Variants in CLDN12 observed in about 807,000 individuals in gnomAD.
The protein encoded by CLDN12 is claudin 12.
Under a neutral mutation model 15.5 loss-of-function variants are expected in CLDN12, and 9 were observed. The observed-to-expected ratio is 0.58, with a 90% CI of 0.35 to 1.02. The LOEUF (loss-of-function observed/expected upper bound fraction) is 1.02, where lower values mean the gene tolerates loss of function less well. Ranked by LOEUF, CLDN12 falls within the 50% of genes least tolerant of loss-of-function variation. The pLI is 0.02. For missense variants in CLDN12, 233 were observed against 297.3 expected, an observed-to-expected ratio of 0.78 and a Z score of 1.59; for synonymous variants, 140 against 121.6, an observed-to-expected ratio of 1.15 and a Z score of -1.00.
rs140108357 is a variant in CLDN12 at position 90,412,808 on chromosome 7, C to T, written c.132C>T (p.Asn44=). 3.0e-5 allele frequency: 48 copies of T among 1,614,160 alleles called. No homozygotes were observed. The highest frequency in any genetic ancestry group is 2.5e-4 in the Admixed American group (15 of 60,024). ...TACGATTGATCACATTCAACAGAAACGAGAAGAACCTGACTGTTTACACAG... is the reference window on the plus strand; with the variant it reads ...TACGATTGATCACATTCAACAGAAATGAGAAGAACCTGACTGTTTACACAG... The part of the protein sequence containing the change: ...RKLRLITFNR[N]EKNLTVYTGL... The change falls in exon 4 of 4, where the codon AAC becomes AAT. Residue 44 remains asparagine, a synonymous_variant. Coordinates refer to ENST00000496677, the MANE Select transcript of CLDN12 (RefSeq NM_001185072.3).
chr7:90,409,241 G>A (rs2115880280), intron 2 of CLDN12: 1 of 152,160 alleles, frequency 6.6e-6, no homozygotes, highest in African/African-American at 2.4e-5. Flanking sequence ...TTTGTTTTGA[G>A]ACAGAGTCTC....
Position 90,415,941 on chromosome 7 carries a change from A to G in CLDN12, c.*2530A>G, listed in dbSNP as rs776979988. On this transcript the variant is annotated 3_prime_UTR_variant, in exon 4 of 4. Transcript: ENST00000496677. ...TGTACTTCTTAATGTTTATTAAAAG[A>G]TGTATTTTTACAAGTTTCTGCTTCT... The G allele has an allele frequency of 3.6e-5, 6 of 166,318 alleles. No individual in the cohort carries two copies. The highest frequency in any genetic ancestry group is 5.9e-5 in the Non-Finnish European group (4 of 68,124). The allele number at this position is 166,318 out of a possible 1,614,324, so 10.3% of individuals were successfully genotyped here. A position where few individuals can be genotyped will look rare whatever the true frequency, so the allele number is the denominator to read the frequency against.
intron 1 of CLDN12, among the ~76,000 whole-genome samples, chr7:90,404,190 A>G (rs935598425): frequency 1.4e-5 from 2 of 140,502 alleles, no homozygotes; most frequent in Admixed American, 7.6e-5. Flanking sequence ...CAAGGATTCT[A>G]TTGTGCGTTA....
Position 90,414,375 on chromosome 7 carries a change from A to G in CLDN12, c.*964A>G, listed in dbSNP as rs1247314127. On this transcript the variant is annotated 3_prime_UTR_variant, in exon 4 of 4. Coordinates refer to ENST00000496677, the MANE Select transcript of CLDN12 (RefSeq NM_001185072.3). ...GCTTTACCATAACCTTGATTCATTC[A>G]CCCTTGATTCATTTCTCGCCCCCGT... 1 of 1,000,090 alleles carries G rather than the reference A, an allele frequency of 1.0e-6. No individual in the cohort carries two copies. The highest frequency in any genetic ancestry group is 1.2e-6 in the Non-Finnish European group (1 of 830,000). 62.0% of individuals were successfully genotyped at this position (1,000,090 alleles called of 1,614,324 possible).
intron 2 of CLDN12, among the ~76,000 whole-genome samples, chr7:90,409,752 A>G (rs1796919519): frequency 6.6e-6 from 1 of 152,196 alleles, no homozygotes; most frequent in Admixed American, 6.5e-5. Context: ...TAATCACTTG[A>G]TACGTAGTAA....
chr7:90,414,221 A>G lies in CLDN12; in HGVS notation c.*810A>G. ...CTCTTAGTGGCTAGGAGAAATAAAT[A>G]AAAGGGCCATAATGGTTTGTTCTCT... On this transcript the variant is annotated 3_prime_UTR_variant, in exon 4 of 4. Transcript: ENST00000496677. 1.0e-6 allele frequency: 1 copy of G among 1,000,256 alleles called. No individual in the cohort carries two copies. The highest frequency in any genetic ancestry group is 1.2e-6 in the Non-Finnish European group (1 of 829,994). The allele number at this position is 1,000,256 out of a possible 1,614,324, so 62.0% of individuals were successfully genotyped here.
intron 1 of CLDN12, among the ~76,000 whole-genome samples, chr7:90,404,109 C>T (rs1796788045): frequency 6.6e-6 from 1 of 151,976 alleles, no homozygotes; most frequent in Admixed American, 6.6e-5. Flanking sequence ...TCTGTGCACC[C>T]GGCCTTGTAA....
rs780008661 is a variant in CLDN12 at position 90,412,969 on chromosome 7, T to C, written c.293T>C (p.Met98Thr). The C allele has an allele frequency of 1.9e-6, 3 of 1,614,182 alleles. No individual in the cohort carries two copies. The East Asian group carries it at 6.7e-5, about 36-fold the overall frequency. Residue 98 changes from methionine to threonine, a missense_variant, in exon 4 of 4, where the codon ATG (methionine) becomes ACG (threonine). Physicochemically the swap from Met to Thr is moderately conservative, Grantham distance 81. Coordinates refer to ENST00000496677, the MANE Select transcript of CLDN12 (RefSeq NM_001185072.3). ...FALPLSMLIA[M>T]GALLLCLIGM... ...CTACCCCTCAGCATGCTGATCGCCA[T>C]GGGTGCCCTGCTGCTCTGCCTGATT...
chr7:90,406,926 T>C (rs756255519), intron 2 of CLDN12, among the ~76,000 whole-genome samples: 15 of 152,140 alleles, frequency 9.9e-5, no homozygotes, highest in Admixed American at 2.6e-4. Context: ...TGTTTTTTTT[T>C]CTCCATTAAA....
chr7:90,412,914 C>T lies in CLDN12; in HGVS notation c.238C>T (p.Gln80Ter). The T allele has an allele frequency of 6.2e-7, 1 of 1,614,212 alleles. No individual in the cohort carries two copies. The highest frequency in any genetic ancestry group is 8.5e-7 in the Non-Finnish European group (1 of 1,180,048). The change falls in exon 4 of 4, where the codon CAG becomes TAG. Residue 80 changes from glutamine to a stop codon, truncating the protein, a stop_gained. Coordinates refer to ENST00000496677, the MANE Select transcript of CLDN12 (RefSeq NM_001185072.3). LOFTEE classifies it high-confidence loss of function. ...CACTACTTGGTACTCATCAGTTGAC[C>T]AGCTGGACCTGCGTGTCCTCCAGTT... is the stretch of plus-strand genomic sequence containing the variant. ...YDTTWYSSVD[Q>*]LDLRVLQFAL...
chr7:90,406,308 A>G (rs914803005), intron 2 of CLDN12, among the ~76,000 whole-genome samples: 2 of 152,162 alleles, frequency 1.3e-5, no homozygotes, highest in African/African-American at 4.8e-5. Context: ...TTTTATTCGT[A>G]ATTATGTCTC....
intron 2 of CLDN12, among the ~76,000 whole-genome samples, chr7:90,407,313 TA>T (rs1465995552): frequency 1.3e-5 from 2 of 152,214 alleles, no homozygotes; most frequent in Non-Finnish European, 2.9e-5. Flanking sequence ...TTGTCTTTGC[TA>T]ATCACAGGTT....
chr7:90,403,830 G>C (rs1025231966), intron 1 of CLDN12: 2 of 152,152 alleles, frequency 1.3e-5, no homozygotes, highest in African/African-American at 4.8e-5. Context: ...ATAACCAGCT[G>C]ATGCTGGTTG....
At chr7:90,407,880 T>C (rs1019345653) in intron 2 of CLDN12, among the ~76,000 whole-genome samples, 12 of 152,098 alleles carry the variant, frequency 7.9e-5, no homozygotes, top group African/African-American at 2.9e-4. Flanking sequence ...AAAAGAAATG[T>C]GGTTTGGCTG....
chr7:90,414,129 C>T lies in CLDN12; in HGVS notation c.*718C>T. On this transcript the variant is annotated 3_prime_UTR_variant, in exon 4 of 4. Coordinates refer to ENST00000496677, the MANE Select transcript of CLDN12 (RefSeq NM_001185072.3). The stretch of plus-strand genomic sequence containing the variant: ...TGTGCTTTATGACAGGTTAGTGTTT[C>T]CTCTGAGGCAGAAAACTCTTTTTTG... The T allele has an allele frequency of 1.0e-6, 1 of 1,000,158 alleles. No individual in the cohort carries two copies. The highest frequency in any genetic ancestry group is 1.2e-6 in the Non-Finnish European group (1 of 829,996). 62.0% of individuals were successfully genotyped at this position (1,000,158 alleles called of 1,614,324 possible).
Position 90,414,902 on chromosome 7 carries a change from A to C in CLDN12, c.*1491A>C, listed in dbSNP as rs1020409995. The C allele has an allele frequency of 6.0e-6, 1 of 167,026 alleles. No homozygotes were observed. Among genetic ancestry groups the C allele is most frequent in the African/African-American group, 2.4e-5 (1 of 41,450 alleles). 10.3% of individuals were successfully genotyped at this position (167,026 alleles called of 1,614,324 possible). A position where few individuals can be genotyped will look rare whatever the true frequency, so the allele number is the denominator to read the frequency against. On this transcript the variant is annotated 3_prime_UTR_variant, in exon 4 of 4. Coordinates refer to ENST00000496677, the MANE Select transcript of CLDN12 (RefSeq NM_001185072.3). ...GAGATGAACACTTAGAAATTCAGGG[A>C]TATTGGGTCTTTAGCCTTATGAATT...
Position 90,414,088 on chromosome 7 carries a change from A to G in CLDN12, c.*677A>G, listed in dbSNP as rs1028134579. Reference sequence around the variant, plus strand: ...TAACATTAATGATTCCATAAATTGTATTATTGGGATTAGAATGTGCTTTAT... The same window carrying G: ...TAACATTAATGATTCCATAAATTGTGTTATTGGGATTAGAATGTGCTTTAT... On this transcript the variant is annotated 3_prime_UTR_variant, in exon 4 of 4. Transcript: ENST00000496677. 4.0e-6 allele frequency: 4 copies of G among 999,334 alleles called. No homozygotes were observed. Among genetic ancestry groups the G allele is most frequent in the South Asian group, 9.4e-5 (2 of 21,254 alleles). 61.9% of individuals were successfully genotyped at this position (999,334 alleles called of 1,614,324 possible).
In CLDN12 at chr7:90,413,885, T is replaced by G; in HGVS notation, c.*474T>G. On this transcript the variant is annotated 3_prime_UTR_variant, in exon 4 of 4. Coordinates refer to ENST00000496677, the MANE Select transcript of CLDN12 (RefSeq NM_001185072.3). ...AGTAGTCAATAATCTAGCTTAAGGC[T>G]GTAACTCTTCTATCGGGGCTAATTG... 3.0e-6 allele frequency: 3 copies of G among 999,374 alleles called. No individual in the cohort carries two copies. Among genetic ancestry groups the G allele is most frequent in the Non-Finnish European group, 3.6e-6 (3 of 829,448 alleles). 61.9% of individuals were successfully genotyped at this position (999,374 alleles called of 1,614,324 possible). A position where few individuals can be genotyped will look rare whatever the true frequency, so the allele number is the denominator to read the frequency against.
chr7:90,406,840 A>G (rs1290029732), intron 2 of CLDN12, among the ~76,000 whole-genome samples: 1 of 152,222 alleles, frequency 6.6e-6, no homozygotes, highest in Non-Finnish European at 1.5e-5. Flanking sequence ...TGACTGCTTG[A>G]CAGATTTGTT....
Sources: allele counts gnomAD v4.1 joint callset (sites outside exome capture counted in the v4.1 genomes callset), GRCh38; gene constraint gnomAD v4.1.1; transcripts MANE v1.5; gene names NCBI Gene and HGNC (gene_info 2026-07-23, HGNC 2026-07-21).